Variants in ANK1 observed in about 807,000 individuals in gnomAD.
ANK1 encodes ankyrin 1.
In ANK1, 51 loss-of-function variants were observed where a neutral mutation model predicts 210.4. The ratio of observed to expected loss-of-function variants is 0.24; its 90% confidence interval spans 0.19 to 0.31. ANK1 has a LOEUF of 0.31. Among genes scored for constraint, ANK1 ranks in the 10% least tolerant of loss-of-function variants. ANK1 has a pLI of 1.00. For missense variants in ANK1, 2,051 were observed against 2,504.4 expected (o/e 0.82, Z 3.86); for synonymous variants, 967 against 1,025.9 (o/e 0.94, Z 1.10).
At chr8:41,873,216 C>T (rs1815901792) in intron 1 of ANK1, among the ~76,000 whole-genome samples, 1 of 152,190 alleles carries the variant, frequency 6.6e-6, no homozygotes, top group African/African-American at 2.4e-5. Context: ...TTCCCGATTG[C>T]CTCGAACCTT....
At chr8:41,732,199 T>A (rs1832341783) in intron 3 of ANK1, among the ~76,000 whole-genome samples, 1 of 152,192 alleles carries the variant, frequency 6.6e-6, no homozygotes. Flanking sequence ...CTATGTTCTC[T>A]GCTTGAGAGG....
intron 9 of ANK1, 115 bp from the exon 10 acceptor site, chr8:41,719,973 T>C: frequency 3.9e-6 from 5 of 1,269,358 alleles, no homozygotes; most frequent in Non-Finnish European, 5.6e-6. Context: ...TTTCCACAAG[T>C]CTCTGGAGGG....
At chr8:41,771,290 A>G (rs1842909189) in intron 1 of ANK1, among the ~76,000 whole-genome samples, 1 of 152,152 alleles carries the variant, frequency 6.6e-6, no homozygotes, top group Non-Finnish European at 1.5e-5. Flanking sequence ...TGGCATATAG[A>G]CCACTGGGTA....
At chr8:41,831,934 A>G (rs1324042792) in intron 1 of ANK1, among the ~76,000 whole-genome samples, 1 of 152,188 alleles carries the variant, frequency 6.6e-6, no homozygotes, top group Non-Finnish European at 1.5e-5. Context: ...CCTTCGGACT[A>G]TATGATCCCA....
chr8:41,686,367 T>C, intron 35 of ANK1, 84 bp from the exon 36 acceptor site: 1 of 1,580,746 alleles, frequency 6.3e-7, no homozygotes. Context: ...GGGTGGGCAC[T>C]GGGGCGTGGG....
intron 4 of ANK1, among the ~76,000 whole-genome samples, chr8:41,727,597 T>C (rs1400383863): frequency 6.6e-6 from 1 of 152,240 alleles, no homozygotes; most frequent in East Asian, 1.9e-4. Flanking sequence ...ATTGATTTCA[T>C]CAATGCTGCA....
At chr8:41,770,167 G>C (rs893367918) in intron 1 of ANK1, among the ~76,000 whole-genome samples, 3 of 151,904 alleles carry the variant, frequency 2.0e-5, no homozygotes, top group Non-Finnish European at 2.9e-5. Context: ...TTTTTTAGTA[G>C]AGATGGGATT....
intron 1 of ANK1, among the ~76,000 whole-genome samples, chr8:41,854,523 G>A (rs1196311647): frequency 1.3e-5 from 2 of 152,198 alleles, no homozygotes; most frequent in African/African-American, 4.8e-5. Context: ...TTCTGTACTG[G>A]GCCCTCACCA....
chr8:41,849,500 GGA>G (rs566367105), intron 1 of ANK1, among the ~76,000 whole-genome samples: 115 of 147,660 alleles, frequency 7.8e-4, no homozygotes, highest in Middle Eastern at 6.9e-3. Flanking sequence ...CTCCAGCCTG[GGA>G]GAGAGAGCGA....
chr8:41,837,520 A>T (rs1314725999), intron 1 of ANK1, among the ~76,000 whole-genome samples: 2 of 152,198 alleles, frequency 1.3e-5, no homozygotes, highest in Admixed American at 1.3e-4. Flanking sequence ...GCGAAAATTA[A>T]ATGAAATAAT....
At chr8:41,703,895 G>T in intron 20 of ANK1, 146 bp downstream of exon 20, 1 of 727,694 alleles carries the variant, frequency 1.4e-6, no homozygotes, top group Middle Eastern at 2.5e-4. Flanking sequence ...CCATCCCCAG[G>T]GTACCCAAGG....
rs559000 is a variant in ANK1 at position 41,697,855 on chromosome 8, G to A, written c.2637+188C>T. On this transcript the variant is annotated intron_variant, in intron 24 of 42. Coordinates refer to ENST00000289734, the MANE Select transcript of ANK1 (RefSeq NM_000037.4). Reference sequence around the variant, plus strand: ...CCCCATCTGACCATCTCTTCCAGACGCCGCCCACCCAGCGCCACCAATGTT... The same window carrying A: ...CCCCATCTGACCATCTCTTCCAGACACCGCCCACCCAGCGCCACCAATGTT... 0.36 allele frequency: 245,295 copies of A among 677,418 alleles called. 46,448 individuals are homozygous for A. Among genetic ancestry groups the A allele is most frequent in the East Asian group, 0.59 (21,173 of 36,136 alleles). 42.0% of individuals were successfully genotyped at this position (677,418 alleles called of 1,614,324 possible).
chr8:41,753,826 C>T (rs940675622), intron 2 of ANK1, among the ~76,000 whole-genome samples: 4 of 152,186 alleles, frequency 2.6e-5, no homozygotes, highest in Admixed American at 2.0e-4. Flanking sequence ...CCTGGCTTCT[C>T]GTGCTGTCTG....
intron 2 of ANK1, among the ~76,000 whole-genome samples, 153 bp from the exon 3 acceptor site, chr8:41,734,222 G>A (rs1319981086): frequency 6.6e-6 from 1 of 152,238 alleles, no homozygotes; most frequent in Non-Finnish European, 1.5e-5. Flanking sequence ...GGGGCACAGG[G>A]CAGGGCCACC....
At chr8:41,691,298 C>T (rs1046273222) in intron 31 of ANK1, among the ~76,000 whole-genome samples, 1 of 152,184 alleles carries the variant, frequency 6.6e-6, no homozygotes, top group East Asian at 1.9e-4. Flanking sequence ...CTGGAAAGCA[C>T]TTGCTCTGTT....
At chr8:41,689,339 G>A (rs1173097207) in intron 33 of ANK1, among the ~76,000 whole-genome samples, 1 of 149,724 alleles carries the variant, frequency 6.7e-6, no homozygotes, top group African/African-American at 2.5e-5. Context: ...ATGTTGCCCA[G>A]GCTAGTCTTG....
At chr8:41,881,913 G>C (rs1348780742) in intron 1 of ANK1, among the ~76,000 whole-genome samples, 1 of 152,200 alleles carries the variant, frequency 6.6e-6, no homozygotes, top group Admixed American at 6.5e-5. Context: ...CTTTCATGGA[G>C]AGAAGATCAG....
chr8:41,673,735 G>A (rs1585946701), intron 37 of ANK1, among the ~76,000 whole-genome samples: 1 of 152,362 alleles, frequency 6.6e-6, no homozygotes, highest in African/African-American at 2.4e-5. Flanking sequence ...CAGGCCCTGA[G>A]TGCATGACCC....
chr8:41,688,509 A>G lies in ANK1; in HGVS notation c.4183+2T>C. 1 of 1,613,934 alleles carries G rather than the reference A, an allele frequency of 6.2e-7. No individual in the cohort carries two copies. Among genetic ancestry groups the G allele is most frequent in the Non-Finnish European group, 8.5e-7 (1 of 1,179,792 alleles). On this transcript the variant is annotated splice_donor_variant, in intron 34 of 42. Transcript: ENST00000289734. LOFTEE classifies it high-confidence loss of function. ...GCATGCATCATCACACAGAGGCCGT[A>G]CCTGGTGTGGACTCACTGAGAATGC...
Sources: gnomAD v4.1 joint callset for allele counts (sites outside exome capture counted in the v4.1 genomes callset) on GRCh38, gnomAD v4.1.1 for gene constraint, MANE v1.5 for transcripts, NCBI Gene and HGNC (gene_info 2026-07-23, HGNC 2026-07-21) for gene names.